Variants in PTPRM observed in about 807,000 individuals in gnomAD.
PTPRM encodes the protein protein tyrosine phosphatase receptor type M.
A neutral mutation model predicts 186.7 loss-of-function variants in PTPRM; 47 were observed. That is an observed-to-expected ratio of 0.25 (90% CI 0.20 to 0.32). PTPRM has a LOEUF of 0.32. Among genes scored for constraint, PTPRM ranks in the 10% least tolerant of loss-of-function variants. The probability of loss-of-function intolerance (pLI) is 1.00; values close to 1 mark genes in which losing one functional copy is unlikely to be tolerated. For synonymous variants in PTPRM, 668 were observed against 674.9 expected (o/e 0.99, Z 0.16); for missense variants, 1,494 against 1,865.0 (o/e 0.80, Z 3.66).
At chr18:8,370,642 G>T (rs964915558) in intron 23 of PTPRM, among the ~76,000 whole-genome samples, 7 of 152,164 alleles carry the variant, frequency 4.6e-5, no homozygotes, top group Non-Finnish European at 1.5e-5. Context: ...TGGGATGTTT[G>T]TGGTAAAAAT....
intron 28 of PTPRM, 59 bp from the exon 29 acceptor site, chr18:8,380,237 A>C: frequency 6.4e-7 from 1 of 1,560,016 alleles, no homozygotes; most frequent in Non-Finnish European, 8.8e-7. Flanking sequence ...GAAATAACCT[A>C]GCTTCTTCTC....
chr18:8,376,953 A>G (rs1436291221), intron 26 of PTPRM: 2 of 196,316 alleles, frequency 1.0e-5, no homozygotes, highest in Non-Finnish European at 2.1e-5. Flanking sequence ...GCTCCTGAGA[A>G]TAGTGGCTGA....
chr18:8,038,049 C>G (rs1401494168), intron 7 of PTPRM, among the ~76,000 whole-genome samples: 1 of 152,072 alleles, frequency 6.6e-6, no homozygotes, highest in Non-Finnish European at 1.5e-5. Context: ...ATGTTTATAT[C>G]ACCTCTTAAC....
intron 1 of PTPRM, among the ~76,000 whole-genome samples, chr18:7,728,299 G>C (rs965928772): frequency 6.6e-6 from 1 of 152,178 alleles, no homozygotes; most frequent in African/African-American, 2.4e-5. Context: ...TGACCAGAAA[G>C]AATTAAGCAC....
At chr18:8,377,758 GAT>G (rs1048383778) in intron 26 of PTPRM, 1 of 152,224 alleles carries the variant, frequency 6.6e-6, no homozygotes, top group Non-Finnish European at 1.5e-5. Context: ...ACTCATTGAA[GAT>G]ATATATGAGA....
intron 14 of PTPRM, among the ~76,000 whole-genome samples, chr18:8,172,070 A>T (rs950615918): frequency 6.6e-6 from 1 of 152,168 alleles, no homozygotes; most frequent in Non-Finnish European, 1.5e-5. Context: ...GGGACCGTCT[A>T]CAATTGCTTT....
intron 7 of PTPRM, among the ~76,000 whole-genome samples, chr18:8,028,306 G>A (rs535137385): frequency 1.3e-5 from 2 of 152,162 alleles, no homozygotes; most frequent in African/African-American, 2.4e-5. Flanking sequence ...CCAGCCCACT[G>A]TTGCTTTCTA....
At chr18:7,612,200 G>A (rs986602679) in intron 1 of PTPRM, among the ~76,000 whole-genome samples, 1 of 152,086 alleles carries the variant, frequency 6.6e-6, no homozygotes, top group African/African-American at 2.4e-5. Flanking sequence ...TGTGTGTGGT[G>A]TGTGCATGTA....
rs56724615 is a variant in PTPRM, at chr18:7,884,924, C to CAAAAAA, written c.197-3160_197-3155dup. On this transcript the variant is annotated intron_variant, in intron 2 of 32. Transcript: ENST00000580170. Reference sequence around the variant, plus strand: ...GGGCGACGAGAGCAAAGCTCCATCTCAAAAAAAAAAAAAAAAAAAAAAAAA... The same window carrying CAAAAAA: ...GGGCGACGAGAGCAAAGCTCCATCTCAAAAAAAAAAAAAAAAAAAAAAAAAAAAAAA... Among the ~76,000 whole-genome samples, 15 of 37,842 alleles carry CAAAAAA rather than the reference C, an allele frequency of 4.0e-4. 2 individuals carry two copies. The highest frequency in any genetic ancestry group is 6.2e-4 in the Admixed American group (1 of 1,624). 24.8% of individuals were successfully genotyped at this position (37,842 alleles called of 152,430 possible). A position where few individuals can be genotyped will look rare whatever the true frequency, so the allele number is the denominator to read the frequency against.
At chr18:8,209,620 C>T (rs1017688566) in intron 14 of PTPRM, among the ~76,000 whole-genome samples, 1 of 152,196 alleles carries the variant, frequency 6.6e-6, no homozygotes, top group South Asian at 2.1e-4. Context: ...CCCCCAGTAC[C>T]TCCGAAGGTG....
chr18:8,271,855 C>T (rs1378746722), intron 19 of PTPRM, among the ~76,000 whole-genome samples: 1 of 151,744 alleles, frequency 6.6e-6, no homozygotes, highest in African/African-American at 2.4e-5. Context: ...TTTATTTATG[C>T]CTTCTTTTTT....
intron 20 of PTPRM, among the ~76,000 whole-genome samples, chr18:8,305,824 A>C (rs1399837324): frequency 6.6e-6 from 1 of 152,072 alleles, no homozygotes; most frequent in Non-Finnish European, 1.5e-5. Context: ...CAGTAAGCAT[A>C]CTGGCTCTTT....
chr18:8,396,009 A>T (rs1317457457), intron 32 of PTPRM, among the ~76,000 whole-genome samples: 1 of 152,188 alleles, frequency 6.6e-6, no homozygotes, highest in African/African-American at 2.4e-5. Context: ...GCCAGGCGTG[A>T]TGCCATCAGT....
intron 1 of PTPRM, among the ~76,000 whole-genome samples, chr18:7,656,760 C>T (rs1234626701): frequency 6.6e-6 from 1 of 152,092 alleles, no homozygotes; most frequent in Non-Finnish European, 1.5e-5. Context: ...GAAAAGTTCT[C>T]ATTGTTTTCC....
At chr18:8,228,795 G>A (rs1312431993) in intron 14 of PTPRM, among the ~76,000 whole-genome samples, 1 of 151,966 alleles carries the variant, frequency 6.6e-6, no homozygotes, top group Non-Finnish European at 1.5e-5. Context: ...GGAGGTTGCA[G>A]TGAGCCGAGA....
intron 32 of PTPRM, among the ~76,000 whole-genome samples, chr18:8,398,131 C>T (rs770530430): frequency 6.6e-6 from 1 of 152,070 alleles, no homozygotes; most frequent in East Asian, 1.9e-4. Flanking sequence ...TGCAACCATG[C>T]CTGGCTGGTT....
chr18:7,714,131 C>T (rs1362770632), intron 1 of PTPRM, among the ~76,000 whole-genome samples: 8 of 152,132 alleles, frequency 5.3e-5, no homozygotes, highest in Non-Finnish European at 8.8e-5. Context: ...GTAAAACACT[C>T]CTCAGCAAAT....
chr18:8,044,717 A>G (rs2086911471), intron 7 of PTPRM, among the ~76,000 whole-genome samples: 1 of 147,544 alleles, frequency 6.8e-6, no homozygotes, highest in African/African-American at 2.5e-5. Flanking sequence ...AGATTATGCC[A>G]CTGTACTCCA....
intron 7 of PTPRM, among the ~76,000 whole-genome samples, chr18:8,020,402 T>A (rs1442730081): frequency 6.6e-6 from 1 of 152,202 alleles, no homozygotes. Context: ...ATAATGCATG[T>A]GGTCAAGAAG....
Sources: allele counts gnomAD v4.1 joint callset (sites outside exome capture counted in the v4.1 genomes callset), GRCh38; gene constraint gnomAD v4.1.1; transcripts MANE v1.5; gene names NCBI Gene and HGNC (gene_info 2026-07-23, HGNC 2026-07-21).